ELAVL4: variants seen among roughly 807,000 people sequenced by gnomAD.
The protein encoded by ELAVL4 is ELAV like RNA binding protein 4.
A neutral mutation model predicts 35.6 loss-of-function variants in ELAVL4; 1 was observed. The ratio of observed to expected loss-of-function variants is 0.03; its 90% CI spans 0.01 to 0.13. The LOEUF (loss-of-function observed/expected upper bound fraction) is 0.13, where lower values mean the gene tolerates loss of function less well. ELAVL4 is among the 10% of genes least tolerant of loss of function. The probability of loss-of-function intolerance (pLI) is 1.00; values close to 1 mark genes in which losing one functional copy is unlikely to be tolerated. For synonymous variants in ELAVL4, 156 were observed against 171.0 expected (o/e 0.91, Z 0.69); for missense variants, 267 against 464.9 (o/e 0.57, Z 3.91).
intron 2 of ELAVL4, among the ~76,000 whole-genome samples, chr1:50,163,172 C>T (rs1677102480): frequency 1.3e-5 from 2 of 152,174 alleles, no homozygotes; most frequent in African/African-American, 4.8e-5. Context: ...CTGCCTATTG[C>T]CTGGCTGTCT....
chr1:50,121,210 C>G (rs894065105), intron 1 of ELAVL4, among the ~76,000 whole-genome samples: 8 of 151,898 alleles, frequency 5.3e-5, no homozygotes, highest in Non-Finnish European at 1.0e-4. Flanking sequence ...CCTATTTAGC[C>G]CAACTAACAT....
chr1:50,099,245 A>G (rs1255472770), upstream of ELAVL4, among the ~76,000 whole-genome samples: 1 of 152,186 alleles, frequency 6.6e-6, no homozygotes, highest in African/African-American at 2.4e-5. Context: ...CTGCCATGCA[A>G]GCTCACAGTA....
At chr1:50,175,738 C>T (rs1211687419) in intron 2 of ELAVL4, 1 of 152,190 alleles carries the variant, frequency 6.6e-6, no homozygotes, top group Admixed American at 6.6e-5. Flanking sequence ...TCCCAGGTTT[C>T]CTCCTACAAC....
At chr1:50,189,247 T>C (rs984933778) in intron 3 of ELAVL4, among the ~76,000 whole-genome samples, 1 of 152,192 alleles carries the variant, frequency 6.6e-6, no homozygotes, top group Non-Finnish European at 1.5e-5. Context: ...TCAGGGAACA[T>C]TCTTCCTCAG....
Position 50,048,205 on chromosome 1 carries a change from C to T in ELAVL4, c.18+23C>T, listed in dbSNP as rs1369768813. 5 of 1,509,306 alleles carry T rather than the reference C, an allele frequency of 3.3e-6. No homozygotes were observed. The African/African-American group carries it at 7.2e-5, about 22-fold the overall frequency. The allele number at this position is 1,509,306 out of a possible 1,614,324, so 93.5% of individuals were successfully genotyped here. A position where few individuals can be genotyped will look rare whatever the true frequency, so the allele number is the denominator to read the frequency against. On this transcript the variant is annotated intron_variant, in intron 1 of 6. Coordinates refer to the ELAVL4 transcript ENST00000448907. ...CAGGTAGAAGCGCCTCGGCGCAGGC[C>T]CCGCACCCCCGACTCTGCCCGCCCT...
intron 1 of ELAVL4, 120 bp downstream of exon 1, chr1:50,109,318 A>C: frequency 9.7e-7 from 1 of 1,033,012 alleles, no homozygotes; most frequent in Non-Finnish European, 1.4e-6. Flanking sequence ...TTTGGTTCCT[A>C]CATTTACTAT....
At chr1:50,079,067 C>G (rs189639955) in intron 1 of ELAVL4, among the ~76,000 whole-genome samples, 1 of 152,236 alleles carries the variant, frequency 6.6e-6, no homozygotes, top group African/African-American at 2.4e-5. Context: ...CTAAGATGTT[C>G]AGTTTCTGCA....
At chr1:50,192,199 G>A (rs1682758083) in intron 3 of ELAVL4, among the ~76,000 whole-genome samples, 1 of 152,196 alleles carries the variant, frequency 6.6e-6, no homozygotes, top group Non-Finnish European at 1.5e-5. Context: ...AGAAGATGGA[G>A]ATACTGAAGG....
At chr1:50,048,974 A>G (rs1382269644) in intron 1 of ELAVL4, among the ~76,000 whole-genome samples, 2 of 152,184 alleles carry the variant, frequency 1.3e-5, no homozygotes, top group African/African-American at 4.8e-5. Flanking sequence ...TGTTTCTACA[A>G]GGAGAGAACC....
At chr1:50,146,565 A>G (rs1673764175) in intron 2 of ELAVL4, among the ~76,000 whole-genome samples, 1 of 152,156 alleles carries the variant, frequency 6.6e-6, no homozygotes, top group Non-Finnish European at 1.5e-5. Flanking sequence ...CCAGAACAGA[A>G]AAAAAAGTAT....
intron 1 of ELAVL4, among the ~76,000 whole-genome samples, chr1:50,065,820 T>C (rs1449536801): frequency 6.6e-6 from 1 of 152,138 alleles, no homozygotes; most frequent in Non-Finnish European, 1.5e-5. Context: ...CTTTCACATG[T>C]GTCGGGGTTG....
chr1:50,163,930 C>T (rs1677265506), intron 2 of ELAVL4, among the ~76,000 whole-genome samples: 1 of 152,142 alleles, frequency 6.6e-6, no homozygotes, highest in South Asian at 2.1e-4. Context: ...TTCAAGAAAC[C>T]AGGGCACAGC....
rs371583595 is a variant in ELAVL4 at position 50,189,154 on chromosome 1, A to C, written c.355-4611A>C. Among the ~76,000 whole-genome samples, 4 of 152,338 alleles carry C rather than the reference A, an allele frequency of 2.6e-5. No homozygotes were observed. The East Asian group carries it at 7.7e-4, about 29-fold the overall frequency. ...CATTTTATCCTCCTCATTGCACCCAACATGCCTTTATCGTGTTTTCCATGT... is the reference window on the plus strand; with the variant it reads ...CATTTTATCCTCCTCATTGCACCCACCATGCCTTTATCGTGTTTTCCATGT... On this transcript the variant is annotated intron_variant, in intron 3 of 6. Coordinates refer to ENST00000371824, the MANE Select transcript of ELAVL4 (RefSeq NM_001144774.3).
intron 1 of ELAVL4, among the ~76,000 whole-genome samples, chr1:50,060,273 T>C (rs1663892261): frequency 6.6e-6 from 1 of 152,186 alleles, no homozygotes; most frequent in African/African-American, 2.4e-5. Context: ...GTTATGACCT[T>C]TTCAAGTGTC....
upstream of ELAVL4, among the ~76,000 whole-genome samples, chr1:50,102,296 TAATAAAATAAAATAAAATAAAATAA>T (rs150940225): frequency 9.8e-4 from 136 of 139,098 alleles, 1 homozygote; most frequent in African/African-American, 3.2e-3. Context: ...AAAAATAAAA[TAATAAAATAAAATAAAATAAAATAA>T]AATAAAATAA....
intron 3 of ELAVL4, among the ~76,000 whole-genome samples, chr1:50,186,531 C>T (rs1212700653): frequency 2.0e-5 from 3 of 152,006 alleles, no homozygotes; most frequent in African/African-American, 7.2e-5. Flanking sequence ...GTCATTTGTG[C>T]CTGGGACTCG....
chr1:50,081,215 T>G (rs897017150), intron 1 of ELAVL4, among the ~76,000 whole-genome samples: 3 of 152,200 alleles, frequency 2.0e-5, no homozygotes, highest in African/African-American at 7.2e-5. Flanking sequence ...AGCTGCCATA[T>G]GCATATAATT....
At chr1:50,059,204 T>TAA (rs1183652921) in intron 1 of ELAVL4, among the ~76,000 whole-genome samples, 1 of 152,192 alleles carries the variant, frequency 6.6e-6, no homozygotes, top group African/African-American at 2.4e-5. Context: ...GATTCTAAGA[T>TAA]AAGATTTCTG....
In ELAVL4 at chr1:50,177,074, T is replaced by C; in HGVS notation, c.251-15T>C. On this transcript the variant is annotated splice_polypyrimidine_tract_variant and intron_variant, in intron 2 of 6. Coordinates refer to ENST00000371824, the MANE Select transcript of ELAVL4 (RefSeq NM_001144774.3). ...TCTCTCTCCCTTTCTCTCTCTCTTT[T>C]TAATATTTCCACAGGACAGAGTTTA... 1 of 1,602,086 alleles carries C rather than the reference T, an allele frequency of 6.2e-7. No individual in the cohort carries two copies. Among genetic ancestry groups the C allele is most frequent in the South Asian group, 1.1e-5 (1 of 90,766 alleles).
Sources: gnomAD v4.1 joint callset for allele counts (sites outside exome capture counted in the v4.1 genomes callset) on GRCh38, gnomAD v4.1.1 for gene constraint, MANE v1.5 for transcripts, NCBI Gene and HGNC (gene_info 2026-07-23, HGNC 2026-07-21) for gene names.